TIMP2: variants seen among roughly 807,000 people sequenced by gnomAD.
The protein encoded by TIMP2 is TIMP metallopeptidase inhibitor 2.
In TIMP2, 5 loss-of-function variants were observed where a neutral mutation model predicts 24.3. The observed-to-expected ratio is 0.21, with a 90% CI of 0.11 to 0.43. TIMP2 has a LOEUF of 0.43. Among genes scored for constraint, TIMP2 ranks in the 20% least tolerant of loss-of-function variants. The pLI, the probability that TIMP2 is intolerant of heterozygous loss-of-function variation, is 1.00. For missense variants in TIMP2, 221 were observed against 297.5 expected, an observed-to-expected ratio of 0.74 and a Z score of 1.89; for synonymous variants, 130 against 123.2, an observed-to-expected ratio of 1.06 and a Z score of -0.37.
intron 1 of TIMP2, among the ~76,000 whole-genome samples, chr17:78,874,405 A>G (rs2069711574): frequency 6.6e-6 from 1 of 152,094 alleles, no homozygotes; most frequent in Non-Finnish European, 1.5e-5. Context: ...CCCACCCTCC[A>G]GCCACGGCCT....
chr17:78,911,172 G>A (rs1268330208), intron 1 of TIMP2, among the ~76,000 whole-genome samples: 1 of 152,228 alleles, frequency 6.6e-6, no homozygotes, highest in Non-Finnish European at 1.5e-5. Context: ...ACTGAGGGAA[G>A]AATGGTGGCA....
chr17:78,863,230 A>C (rs1302137542), intron 3 of TIMP2, among the ~76,000 whole-genome samples: 1 of 151,918 alleles, frequency 6.6e-6, no homozygotes, highest in Non-Finnish European at 1.5e-5. Flanking sequence ...ACATTGGTTT[A>C]TTTTTATTTT....
At chr17:78,866,983 G>A (rs1044863309) in intron 3 of TIMP2, among the ~76,000 whole-genome samples, 3 of 152,162 alleles carry the variant, frequency 2.0e-5, no homozygotes, top group African/African-American at 4.8e-5. Flanking sequence ...ATTGTAGGCC[G>A]GGCGCGGTGG....
At chr17:78,914,886 C>G (rs971780058) in intron 1 of TIMP2, among the ~76,000 whole-genome samples, 1 of 146,898 alleles carries the variant, frequency 6.8e-6, no homozygotes, top group African/African-American at 2.6e-5. Flanking sequence ...CGCGCCTGGC[C>G]AGTCTGGGCT....
chr17:78,877,423 A>G (rs2069737130), intron 1 of TIMP2, among the ~76,000 whole-genome samples: 1 of 152,090 alleles, frequency 6.6e-6, no homozygotes, highest in African/African-American at 2.4e-5. Flanking sequence ...TACAAAAAAT[A>G]CAAAAATCCC....
chr17:78,879,903 G>A (rs1305809334), intron 1 of TIMP2, among the ~76,000 whole-genome samples: 1 of 142,268 alleles, frequency 7.0e-6, no homozygotes, highest in East Asian at 2.4e-4. Context: ...GAGCGCACCC[G>A]CCAGAGTGGG....
intron 1 of TIMP2, among the ~76,000 whole-genome samples, chr17:78,889,899 C>T (rs944594968): frequency 2.6e-5 from 4 of 152,172 alleles, no homozygotes; most frequent in Non-Finnish European, 5.9e-5. Flanking sequence ...GCAGGCGGAT[C>T]ACGAGATCAG....
chr17:78,891,424 G>A lies in TIMP2; in HGVS notation c.131-17505C>T. On this transcript the variant is annotated intron_variant, in intron 1 of 4. Transcript: ENST00000262768. This position sits in a 1 kb window ranked among gnomAD's most constrained non-coding sequence, Gnocchi z 4.5. ...TCCTGGGCTTCAGTGCCAGGTACAA[G>A]CACAGGTGTTTTTTCAGCTTTCTGT... 2 of 1,550,836 alleles carry A rather than the reference G, an allele frequency of 1.3e-6. No homozygotes were observed. The highest frequency in any genetic ancestry group is 1.7e-6 in the Non-Finnish European group (2 of 1,147,066).
chr17:78,866,733 C>T (rs896329369), intron 3 of TIMP2, among the ~76,000 whole-genome samples: 64 of 152,188 alleles, frequency 4.2e-4, no homozygotes, highest in South Asian at 2.1e-4. Context: ...TTCTGATACA[C>T]ACTGTAACAT....
At chr17:78,888,315 C>T (rs910372810) in intron 1 of TIMP2, among the ~76,000 whole-genome samples, 11 of 151,860 alleles carry the variant, frequency 7.2e-5, no homozygotes, top group South Asian at 2.1e-4. Flanking sequence ...GCCACCACCA[C>T]GCCCGGCTAA....
chr17:78,878,597 T>G (rs1002812314), intron 1 of TIMP2, among the ~76,000 whole-genome samples: 11 of 152,170 alleles, frequency 7.2e-5, no homozygotes, highest in African/African-American at 2.7e-4. Context: ...GGCTGCAGAT[T>G]ACACACTTTC....
chr17:78,861,355 C>T (rs926227487), intron 3 of TIMP2, among the ~76,000 whole-genome samples: 1 of 152,192 alleles, frequency 6.6e-6, no homozygotes, highest in African/African-American at 2.4e-5. Context: ...TTCTGCATCT[C>T]GCTCCTTAAT....
chr17:78,908,048 T>C (rs1048875232), intron 1 of TIMP2, among the ~76,000 whole-genome samples: 11 of 152,090 alleles, frequency 7.2e-5, no homozygotes, highest in African/African-American at 2.2e-4. Flanking sequence ...GGTGGGAGGA[T>C]TGCTTCAGCC....
chr17:78,866,490 C>G (rs1369420159), intron 3 of TIMP2, among the ~76,000 whole-genome samples: 2 of 151,784 alleles, frequency 1.3e-5, no homozygotes, highest in African/African-American at 4.8e-5. Flanking sequence ...ATGGTTAAAC[C>G]TAAAGTCACC....
chr17:78,908,235 G>A (rs1950592857), intron 1 of TIMP2, among the ~76,000 whole-genome samples: 1 of 152,198 alleles, frequency 6.6e-6, no homozygotes, highest in Non-Finnish European at 1.5e-5. Context: ...ATATATAGGT[G>A]TTTCTAACGT....
intron 1 of TIMP2, among the ~76,000 whole-genome samples, chr17:78,918,752 A>T (rs546197604): frequency 6.6e-6 from 1 of 152,252 alleles, no homozygotes; most frequent in Non-Finnish European, 1.5e-5. Flanking sequence ...TAATCCCAGC[A>T]CTTTGGGAGG....
At chr17:78,858,088 G>GA (rs1388666232) in intron 3 of TIMP2, among the ~76,000 whole-genome samples, 6 of 148,408 alleles carry the variant, frequency 4.0e-5, no homozygotes, top group East Asian at 2.0e-4. Context: ...ATAAAAAGTG[G>GA]AAAAAAAAAG....
At chr17:78,917,710 C>A (rs1176330339) in intron 1 of TIMP2, among the ~76,000 whole-genome samples, 1 of 152,080 alleles carries the variant, frequency 6.6e-6, no homozygotes, top group African/African-American at 2.4e-5. Flanking sequence ...CCTCCCAGGT[C>A]TTTGGAGCCA....
intron 3 of TIMP2, among the ~76,000 whole-genome samples, chr17:78,865,716 C>T (rs1322355667): frequency 2.0e-5 from 3 of 152,054 alleles, no homozygotes; most frequent in Non-Finnish European, 4.4e-5. Flanking sequence ...TGCTTGAACC[C>T]GGGAGGCAGA....
Sources: allele counts gnomAD v4.1 joint callset (sites outside exome capture counted in the v4.1 genomes callset), GRCh38; gene constraint gnomAD v4.1.1; non-coding constraint Gnocchi (gnomAD v3.1); transcripts MANE v1.5; gene names NCBI Gene and HGNC (gene_info 2026-07-23, HGNC 2026-07-21).